Variants in TNS3 observed in about 807,000 individuals in gnomAD.
The protein encoded by TNS3 is tensin 3.
A neutral mutation model predicts 140.9 loss-of-function variants in TNS3; 45 were observed. The ratio of observed to expected loss-of-function variants is 0.32; its 90% CI spans 0.25 to 0.41. The LOEUF (loss-of-function observed/expected upper bound fraction) is 0.41, where lower values mean the gene tolerates loss of function less well. Among genes scored for constraint, TNS3 ranks in the 10% least tolerant of loss-of-function variants. The pLI is 1.00. For synonymous variants in TNS3, 815 were observed against 788.4 expected (o/e 1.03, Z -0.56); for missense variants, 1,716 against 1,906.7 (o/e 0.90, Z 1.86).
In TNS3 at chr7:47,275,831, G is replaced by A; in HGVS notation, c.*2245C>T. Reference sequence around the variant, plus strand: ...AAAAAGCACGTTTGCAGGGCTTCCTGAATGCCGTCGAGGCATGGCTTCATG... The same window carrying A: ...AAAAAGCACGTTTGCAGGGCTTCCTAAATGCCGTCGAGGCATGGCTTCATG... On this transcript the variant is annotated 3_prime_UTR_variant, in exon 31 of 31. Coordinates refer to ENST00000311160, the MANE Select transcript of TNS3 (RefSeq NM_022748.12). 1 of 456,050 alleles carries A rather than the reference G, an allele frequency of 2.2e-6. No individual in the cohort carries two copies. The highest frequency in any genetic ancestry group is 4.4e-6 in the Non-Finnish European group (1 of 226,788). 28.3% of individuals were successfully genotyped at this position (456,050 alleles called of 1,614,324 possible).
chr7:47,352,851 G>A (rs747986123), intron 17 of TNS3, among the ~76,000 whole-genome samples: 4 of 152,132 alleles, frequency 2.6e-5, no homozygotes, highest in Admixed American at 6.5e-5. Context: ...GCTGGGTCTC[G>A]AGTGTGCACA....
chr7:47,490,328 T>C (rs1480573952), intron 3 of TNS3, among the ~76,000 whole-genome samples: 1 of 152,230 alleles, frequency 6.6e-6, no homozygotes, highest in Non-Finnish European at 1.5e-5. Flanking sequence ...ACATTTTAAT[T>C]CATCAGAAGA....
intron 3 of TNS3, among the ~76,000 whole-genome samples, chr7:47,499,133 A>C (rs1199853813): frequency 1.3e-5 from 2 of 152,212 alleles, no homozygotes; most frequent in Non-Finnish European, 2.9e-5. Flanking sequence ...TGGCTTGCTG[A>C]CTTTGAGAGT....
intron 7 of TNS3, among the ~76,000 whole-genome samples, chr7:47,436,785 T>C (rs1365282794): frequency 1.3e-5 from 2 of 152,122 alleles, no homozygotes; most frequent in African/African-American, 4.8e-5. Flanking sequence ...CATATATTTG[T>C]TATAGATTTG....
chr7:47,459,230 A>G (rs1046833019), intron 4 of TNS3, among the ~76,000 whole-genome samples: 1 of 152,210 alleles, frequency 6.6e-6, no homozygotes, highest in African/African-American at 2.4e-5. Context: ...GCCTCGGGAT[A>G]AACACCCAGA....
intron 23 of TNS3, among the ~76,000 whole-genome samples, chr7:47,299,657 A>C (rs1786268378): frequency 6.6e-6 from 1 of 152,178 alleles, no homozygotes; most frequent in African/African-American, 2.4e-5. Context: ...CCAGGAGGGA[A>C]GCCCCAGCTG....
intron 4 of TNS3, among the ~76,000 whole-genome samples, chr7:47,476,101 C>T (rs374459919): frequency 9.2e-5 from 14 of 152,246 alleles, no homozygotes; most frequent in Admixed American, 2.0e-4. Flanking sequence ...CCACACATCA[C>T]GTGTCTTCCC....
chr7:47,389,591 G>A (rs148035767), intron 16 of TNS3, among the ~76,000 whole-genome samples: 67 of 34,270 alleles, frequency 2.0e-3, no homozygotes, highest in Non-Finnish European at 4.2e-3. Context: ...TCTTTTGACT[G>A]CCCCCAATGC....
intron 4 of TNS3, among the ~76,000 whole-genome samples, chr7:47,466,909 C>T (rs1796740551): frequency 6.6e-6 from 1 of 152,240 alleles, no homozygotes; most frequent in Admixed American, 6.5e-5. Context: ...AGGTTAAATG[C>T]TCGATTGCTT....
chr7:47,379,431 T>A (rs957626289), intron 16 of TNS3, among the ~76,000 whole-genome samples: 2 of 152,144 alleles, frequency 1.3e-5, no homozygotes, highest in Non-Finnish European at 2.9e-5. Context: ...ATTTTTGGAG[T>A]TTTTATTAAA....
At chr7:47,546,459 A>C (rs1338197169) in intron 1 of TNS3, among the ~76,000 whole-genome samples, 1 of 152,132 alleles carries the variant, frequency 6.6e-6, no homozygotes, top group Non-Finnish European at 1.5e-5. Flanking sequence ...TAAGAGCCTG[A>C]GGAAAACCCC....
intron 16 of TNS3, among the ~76,000 whole-genome samples, chr7:47,395,600 A>G (rs1038509260): frequency 6.6e-6 from 1 of 152,198 alleles, no homozygotes; most frequent in African/African-American, 2.4e-5. Context: ...TCATTTTGCA[A>G]GAGTTTTCAG....
intron 8 of TNS3, among the ~76,000 whole-genome samples, chr7:47,431,009 C>A (rs1794904793): frequency 6.6e-6 from 1 of 152,102 alleles, no homozygotes; most frequent in African/African-American, 2.4e-5. Flanking sequence ...AGGCATGAGC[C>A]ACCGCGCCTG....
chr7:47,505,617 T>C (rs189433374), intron 3 of TNS3, among the ~76,000 whole-genome samples: 39 of 152,324 alleles, frequency 2.6e-4, no homozygotes, highest in Admixed American at 1.8e-3. Flanking sequence ...TGTGCCATCC[T>C]CTCTGCTCCT....
chr7:47,481,018 A>G, intron 4 of TNS3, 85 bp downstream of exon 4: 2 of 1,117,630 alleles, frequency 1.8e-6, no homozygotes, highest in Non-Finnish European at 2.4e-6. Flanking sequence ...AAGCCAAAAG[A>G]TCCCCAAAGA....
chr7:47,365,444 C>CA (rs764220415), intron 17 of TNS3, among the ~76,000 whole-genome samples: 2,241 of 117,116 alleles, frequency 0.019, 34 homozygotes, highest in South Asian at 0.042. Context: ...GACTCCATCT[C>CA]AAAAAAAAAA....
chr7:47,352,074 C>T (rs149554603), intron 17 of TNS3, among the ~76,000 whole-genome samples: 1 of 147,488 alleles, frequency 6.8e-6, no homozygotes, highest in Non-Finnish European at 1.5e-5. Context: ...CACACACACT[C>T]TTACACCCAC....
At chr7:47,470,640 G>A in intron 4 of TNS3, 1 of 985,454 alleles carries the variant, frequency 1.0e-6, no homozygotes, top group Non-Finnish European at 1.2e-6. Flanking sequence ...CAGCAACCCT[G>A]AACCACAGAC....
intron 1 of TNS3, among the ~76,000 whole-genome samples, chr7:47,570,706 G>A (rs1032112499): frequency 6.6e-6 from 1 of 152,228 alleles, no homozygotes; most frequent in African/African-American, 2.4e-5. Context: ...CACCGGATTG[G>A]GAGGCCAGCC....
Sources: gnomAD v4.1 joint callset for allele counts (sites outside exome capture counted in the v4.1 genomes callset) on GRCh38, gnomAD v4.1.1 for gene constraint, MANE v1.5 for transcripts, NCBI Gene and HGNC (gene_info 2026-07-23, HGNC 2026-07-21) for gene names.